Variants in ZDHHC23 observed in about 807,000 individuals in gnomAD.
The protein encoded by ZDHHC23 is palmitoyltransferase ZDHHC23.
ZDHHC23 carries 41 observed loss-of-function variants against 40.2 expected under a neutral mutation model. The observed-to-expected ratio is 1.02, with a 90% CI of 0.79 to 1.32. The LOEUF is 1.32. Among genes scored for constraint, ZDHHC23 ranks in the 40% most tolerant of loss-of-function variants. The pLI, the probability that ZDHHC23 is intolerant of heterozygous loss-of-function variation, is 0.00. For synonymous variants in ZDHHC23, 204 were observed against 210.2 expected, an observed-to-expected ratio of 0.97 and a Z score of 0.26; for missense variants, 471 against 541.5, an observed-to-expected ratio of 0.87 and a Z score of 1.29.
At chr3:113,950,862 G>A (rs1231546963) in intron 2 of ZDHHC23, among the ~76,000 whole-genome samples, 1 of 152,188 alleles carries the variant, frequency 6.6e-6, no homozygotes, top group Non-Finnish European at 1.5e-5. Flanking sequence ...GGTAGGACAT[G>A]CATAGAATAG....
intron 2 of ZDHHC23, among the ~76,000 whole-genome samples, chr3:113,952,339 A>G (rs898277077): frequency 1.3e-5 from 2 of 152,152 alleles, no homozygotes; most frequent in Non-Finnish European, 2.9e-5. Flanking sequence ...CCTTTCTTCT[A>G]ATTTCCAATA....
intron 1 of ZDHHC23, 63 bp downstream of exon 1, chr3:113,948,253 C>T (rs921959562): frequency 6.6e-6 from 1 of 152,624 alleles, no homozygotes; most frequent in African/African-American, 2.4e-5. Flanking sequence ...CCACGTCCTC[C>T]GGATTGGCGG....
chr3:113,977,145 A>G, the ZDHHC23 span, among the ~76,000 whole-genome samples: 2 of 152,142 alleles, frequency 1.3e-5, no homozygotes, highest in Non-Finnish European at 2.9e-5. Flanking sequence ...AAAAAGACAA[A>G]AATTAGCCGG....
At chr3:113,965,507 G>A (rs1296941797), downstream of ZDHHC23, 2 of 422,482 alleles carry the variant, frequency 4.7e-6, no homozygotes, top group Non-Finnish European at 8.2e-6. Flanking sequence ...TTATGACAGT[G>A]TGAAATGCTG....
the ZDHHC23 span, among the ~76,000 whole-genome samples, chr3:113,975,566 TGTG>T: frequency 6.6e-6 from 1 of 152,250 alleles, no homozygotes; most frequent in Non-Finnish European, 1.5e-5. Context: ...ATGAGCAAGA[TGTG>T]GTGCTTCCAC....
chr3:113,960,128 T>G lies in ZDHHC23; in HGVS notation c.*1498T>G. On this transcript the variant is annotated 3_prime_UTR_variant, in exon 5 of 5. Transcript: ENST00000638807. ...CCAGCGTTTTCAGTCATTCTGTGCA[T>G]GCTGCTTTAAGCAAGAGATTTATAT... The G allele has an allele frequency of 1.0e-6, 1 of 990,624 alleles. No homozygotes were observed. Among genetic ancestry groups the G allele is most frequent in the Non-Finnish European group, 1.2e-6 (1 of 832,808 alleles). The allele number at this position is 990,624 out of a possible 1,614,324, so 61.4% of individuals were successfully genotyped here.
chr3:113,950,400 G>C (rs1166444840), intron 2 of ZDHHC23, among the ~76,000 whole-genome samples: 1 of 152,038 alleles, frequency 6.6e-6, no homozygotes, highest in African/African-American at 2.4e-5. Flanking sequence ...TCTGGTGAGG[G>C]CCCTTTTCCT....
intron 4 of ZDHHC23, chr3:113,957,759 A>G (rs1487805589): frequency 1.9e-6 from 1 of 518,744 alleles, no homozygotes; most frequent in Non-Finnish European, 3.8e-6. Context: ...AGCCTGTCTC[A>G]TTAGTGAGCC....
chr3:113,959,085 C>T lies in ZDHHC23; in HGVS notation c.*455C>T, dbSNP rs1559851448. The stretch of plus-strand genomic sequence containing the variant: ...TGCCTGCCCTGGCTACCTCACAGAG[C>T]CGTCATGAGGGTCACGTGAGGGAAG... On this transcript the variant is annotated 3_prime_UTR_variant, in exon 5 of 5. Transcript: ENST00000638807. The T allele has an allele frequency of 1.1e-6, 1 of 943,268 alleles. No individual in the cohort carries two copies. 58.4% of individuals were successfully genotyped at this position (943,268 alleles called of 1,614,324 possible). A position where few individuals can be genotyped will look rare whatever the true frequency, so the allele number is the denominator to read the frequency against.
chr3:113,970,421 A>G, the ZDHHC23 span, among the ~76,000 whole-genome samples: 2 of 152,034 alleles, frequency 1.3e-5, no homozygotes, highest in Non-Finnish European at 2.9e-5. Flanking sequence ...TGGCCTCCCA[A>G]AGCCCTGGGA....
chr3:113,967,220 A>G (rs1400436513), downstream of ZDHHC23, among the ~76,000 whole-genome samples: 1 of 152,222 alleles, frequency 6.6e-6, no homozygotes, highest in Admixed American at 6.5e-5. Flanking sequence ...GCACACTCCC[A>G]GTCCTTGACC....
rs1939806196 is a variant in ZDHHC23, at chr3:113,963,076, C to G, written c.*4446C>G. On this transcript the variant is annotated 3_prime_UTR_variant, in exon 5 of 5. Coordinates refer to ENST00000638807, the MANE Select transcript of ZDHHC23 (RefSeq NM_001320466.2). The stretch of plus-strand genomic sequence containing the variant: ...TGCCTCTGTGGCTCCCTCAATGTCT[C>G]TATCCTGTGGCCCTGTCCCTAGCCC... 6.6e-6 allele frequency: 1 copy of G among 152,108 alleles called. No homozygotes were observed. The highest frequency in any genetic ancestry group is 1.5e-5 in the Non-Finnish European group (1 of 68,044). 9.4% of individuals were successfully genotyped at this position (152,108 alleles called of 1,614,324 possible).
At chr3:113,956,194 C>G in intron 3 of ZDHHC23, 145 bp from the exon 4 acceptor site, 1 of 817,170 alleles carries the variant, frequency 1.2e-6, no homozygotes, top group Non-Finnish European at 1.9e-6. Context: ...TTGCAGTGAG[C>G]CAAGATCGCG....
chr3:113,951,827 T>A (rs1938694531), intron 2 of ZDHHC23, among the ~76,000 whole-genome samples: 1 of 152,202 alleles, frequency 6.6e-6, no homozygotes, highest in African/African-American at 2.4e-5. Flanking sequence ...CTTTTGATTA[T>A]GAGTTTTGTC....
At chr3:113,955,831 C>T (rs1276630275) in intron 3 of ZDHHC23, among the ~76,000 whole-genome samples, 1 of 152,214 alleles carries the variant, frequency 6.6e-6, no homozygotes, top group Non-Finnish European at 1.5e-5. Context: ...CGATATGATT[C>T]CACTTTGCGA....
the ZDHHC23 span, chr3:113,978,670 T>G: frequency 1.5e-6 from 1 of 666,358 alleles, no homozygotes; most frequent in African/African-American, 1.8e-5. Flanking sequence ...AAACACAGGC[T>G]TAGGATTTTA....
rs1939609002 is a variant in ZDHHC23, at chr3:113,960,545, C to T, written c.*1915C>T. 4.9e-6 allele frequency: 7 copies of T among 1,439,616 alleles called. No homozygotes were observed. The highest frequency in any genetic ancestry group is 4.5e-5 in the South Asian group (3 of 66,378). 89.2% of individuals were successfully genotyped at this position (1,439,616 alleles called of 1,614,324 possible). On this transcript the variant is annotated 3_prime_UTR_variant, in exon 5 of 5. Transcript: ENST00000638807. The stretch of plus-strand genomic sequence containing the variant: ...TGTAGAGCCAACTCTGATTATCTAG[C>T]CATTGATCATACAAATTGATAGAAA...
rs1210384522 is a variant in ZDHHC23 at position 113,960,601 on chromosome 3, A to G, written c.*1971A>G. The stretch of plus-strand genomic sequence containing the variant: ...GTCAGTAATTTTAGCTTCTTGCCAA[A>G]TTGTTCACAACATCTAAATGTAATG... On this transcript the variant is annotated 3_prime_UTR_variant, in exon 5 of 5. Transcript: ENST00000638807. 9.0e-6 allele frequency: 14 copies of G among 1,552,180 alleles called. No individual in the cohort carries two copies. The highest frequency in any genetic ancestry group is 7.1e-5 in the African/African-American group (5 of 70,520).
chr3:113,953,740 A>C lies in ZDHHC23; in HGVS notation c.202A>C (p.Arg68=), dbSNP rs748062191. 1 of 1,614,126 alleles carries C rather than the reference A, an allele frequency of 6.2e-7. No homozygotes were observed. Among genetic ancestry groups the C allele is most frequent in the South Asian group, 1.1e-5 (1 of 91,056 alleles). Residue 68 remains arginine (R), a synonymous_variant, in exon 3 of 5, where the codon AGA becomes CGA. Transcript: ENST00000638807. ...ATCTTTACAGCCAGAGACTTGTGAA[A>C]GAATCATGGATACAATTTCTGATCG... ...CKSLQPETCE[R]IMDTISDRLR...
Sources: gnomAD v4.1 joint callset for allele counts (sites outside exome capture counted in the v4.1 genomes callset) on GRCh38, gnomAD v4.1.1 for gene constraint, MANE v1.5 for transcripts, NCBI Gene and HGNC (gene_info 2026-07-23, HGNC 2026-07-21) for gene names.